Variants in DYNC1I1 observed in about 807,000 individuals in gnomAD.
The protein encoded by DYNC1I1 is cytoplasmic dynein 1 intermediate chain 1.
Under a neutral mutation model 86.6 loss-of-function variants are expected in DYNC1I1, and 43 were observed. The observed-to-expected ratio is 0.50, with a 90% CI of 0.39 to 0.64. DYNC1I1 has a LOEUF of 0.64. Ranked by LOEUF, DYNC1I1 falls within the 30% of genes least tolerant of loss-of-function variation. The pLI is 0.00. For synonymous variants in DYNC1I1, 262 were observed against 283.7 expected, an observed-to-expected ratio of 0.92 and a Z score of 0.77; for missense variants, 604 against 788.8, an observed-to-expected ratio of 0.77 and a Z score of 2.81.
intron 15 of DYNC1I1, among the ~76,000 whole-genome samples, chr7:96,078,495 T>C (rs1270909878): frequency 1.3e-5 from 2 of 152,172 alleles, no homozygotes; most frequent in Admixed American, 6.5e-5. Context: ...CATTATTTTC[T>C]ATCATTTGTA....
chr7:95,979,162 GTTTAA>G (rs1389216003), intron 7 of DYNC1I1, among the ~76,000 whole-genome samples: 2 of 152,148 alleles, frequency 1.3e-5, no homozygotes, highest in African/African-American at 4.8e-5. Context: ...GAGTGTAGGT[GTTTAA>G]TTTAGTTTTG....
rs150892917 is a variant in DYNC1I1, at chr7:95,983,299, A to T, written c.581-1516A>T. 4.6e-3 allele frequency among the ~76,000 whole-genome samples: 699 copies of T among 152,286 alleles called. 5 individuals are homozygous for T. The highest frequency in any genetic ancestry group is 0.016 in the African/African-American group (660 of 41,558). On this transcript the variant is annotated intron_variant, in intron 7 of 16. Coordinates refer to ENST00000447467, the MANE Select transcript of DYNC1I1 (RefSeq NM_001135556.2). ...GCTCTGGAGACCTAGACAGCAAAGA[A>T]ATATTTCTAATTTTATTTAGGGCTG...
intron 1 of DYNC1I1, among the ~76,000 whole-genome samples, chr7:95,785,529 C>T (rs1250084568): frequency 6.6e-6 from 1 of 151,958 alleles, no homozygotes; most frequent in African/African-American, 2.4e-5. Context: ...TTCATTCATT[C>T]ACTCAGTAAT....
Position 95,810,449 on chromosome 7 carries a change from C to G in DYNC1I1, c.166C>G (p.Arg56Gly). The change falls in exon 3 of 17, where the codon CGA (arginine) becomes GGA (glycine). Residue 56 changes from arginine to glycine, a missense_variant. Coordinates refer to ENST00000447467, the MANE Select transcript of DYNC1I1 (RefSeq NM_001135556.2). ...GGACGACTCTGATCTGGATCGCAAA[C>G]GACGAGAGACAGAGGCTTTGCTGCA... ...VQDDSDLDRK[R>G]RETEALLQSI... is the part of the protein sequence containing the mutation. 6.2e-7 allele frequency: 1 copy of G among 1,613,052 alleles called. No individual in the cohort carries two copies. Among genetic ancestry groups the G allele is most frequent in the Non-Finnish European group, 8.5e-7 (1 of 1,179,398 alleles).
At chr7:96,072,167 C>T (rs1487429413) in intron 14 of DYNC1I1, among the ~76,000 whole-genome samples, 3 of 152,194 alleles carry the variant, frequency 2.0e-5, no homozygotes, top group African/African-American at 7.2e-5. Flanking sequence ...CTCCCTTGCC[C>T]TTCATGTCTG....
At chr7:95,952,410 A>C (rs369420746) in intron 6 of DYNC1I1, among the ~76,000 whole-genome samples, 48 of 152,326 alleles carry the variant, frequency 3.2e-4, no homozygotes, top group African/African-American at 1.1e-3. Flanking sequence ...AGAAATCTTG[A>C]AAATGCCACT....
intron 6 of DYNC1I1, among the ~76,000 whole-genome samples, chr7:95,947,282 AC>A (rs1290477079): frequency 6.6e-6 from 1 of 152,058 alleles, no homozygotes; most frequent in Non-Finnish European, 1.5e-5. Context: ...GTAAATATGA[AC>A]TCATGTTGGT....
chr7:95,784,420 G>T (rs956045916), intron 1 of DYNC1I1, among the ~76,000 whole-genome samples: 3 of 152,164 alleles, frequency 2.0e-5, no homozygotes, highest in Admixed American at 6.5e-5. Context: ...TAGAGTCTGG[G>T]TACGATGGAG....
chr7:96,024,125 A>T (rs894036665), intron 10 of DYNC1I1, among the ~76,000 whole-genome samples: 6 of 152,204 alleles, frequency 3.9e-5, no homozygotes, highest in African/African-American at 1.2e-4. Flanking sequence ...GGCCACATCA[A>T]TGAAATCAAT....
At chr7:95,815,209 T>C (rs1164906850) in intron 4 of DYNC1I1, among the ~76,000 whole-genome samples, 1 of 152,212 alleles carries the variant, frequency 6.6e-6, no homozygotes, top group Non-Finnish European at 1.5e-5. Context: ...CAGAGAATAT[T>C]ACTCTTTATT....
At chr7:96,043,854 T>C (rs994505853) in intron 14 of DYNC1I1, among the ~76,000 whole-genome samples, 203 of 151,786 alleles carry the variant, frequency 1.3e-3, no homozygotes, top group Admixed American at 3.0e-3. Context: ...GGATTACAGG[T>C]GCCCGCCACT....
At chr7:95,790,194 G>A (rs933762248) in intron 1 of DYNC1I1, among the ~76,000 whole-genome samples, 6 of 152,174 alleles carry the variant, frequency 3.9e-5, no homozygotes, top group African/African-American at 1.4e-4. Flanking sequence ...GTTTGCCTGG[G>A]ACTTTCCTGG....
Position 96,097,509 on chromosome 7 carries a change from G to A in DYNC1I1, c.1803G>A (p.Trp601Ter). Residue 601 changes from tryptophan to a stop codon, truncating the protein, a stop_gained, in exon 17 of 17, where the codon TGG becomes TGA. Coordinates refer to ENST00000447467, the MANE Select transcript of DYNC1I1 (RefSeq NM_001135556.2). LOFTEE classifies it high-confidence loss of function. ...TTGCAGTTCCCCACAATGATGAATG[G>A]ACCCGATTTGCCAGGACCCTTGTGG... ...GELAVPHNDE[W>*]TRFARTLVEI... 1 of 1,613,742 alleles carries A rather than the reference G, an allele frequency of 6.2e-7. No individual in the cohort carries two copies. The highest frequency in any genetic ancestry group is 8.5e-7 in the Non-Finnish European group (1 of 1,179,760).
chr7:96,102,077 C>G (rs1584322440), downstream of DYNC1I1, among the ~76,000 whole-genome samples: 1 of 151,962 alleles, frequency 6.6e-6, no homozygotes, highest in South Asian at 2.1e-4. Flanking sequence ...ATCCCTAGAA[C>G]AGATTAATAA....
intron 6 of DYNC1I1, among the ~76,000 whole-genome samples, chr7:95,872,888 G>T (rs1790210356): frequency 2.0e-5 from 3 of 152,302 alleles, no homozygotes; most frequent in Middle Eastern, 3.4e-3. Flanking sequence ...CAACCATGAG[G>T]TCCTGGGCTT....
At chr7:95,883,819 G>T (rs986838683) in intron 6 of DYNC1I1, among the ~76,000 whole-genome samples, 6 of 152,036 alleles carry the variant, frequency 3.9e-5, no homozygotes, top group Non-Finnish European at 5.9e-5. Flanking sequence ...AGTTCCTTTG[G>T]TCAACTAGTT....
At chr7:95,905,353 A>G (rs535584181) in intron 6 of DYNC1I1, among the ~76,000 whole-genome samples, 7 of 152,324 alleles carry the variant, frequency 4.6e-5, no homozygotes, top group African/African-American at 1.7e-4. Context: ...TCGGAATGGA[A>G]TAGGTCAGTA....
chr7:96,043,564 A>G (rs928610127), intron 14 of DYNC1I1, among the ~76,000 whole-genome samples: 5 of 152,076 alleles, frequency 3.3e-5, no homozygotes, highest in Admixed American at 2.0e-4. Flanking sequence ...GAACAAAACA[A>G]AACTTGGGAC....
At chr7:95,777,909 C>T (rs1206740257) in intron 1 of DYNC1I1, among the ~76,000 whole-genome samples, 1 of 152,134 alleles carries the variant, frequency 6.6e-6, no homozygotes, top group Non-Finnish European at 1.5e-5. Context: ...CACCTCCACA[C>T]ATTTAAGGTT....
Sources: allele counts gnomAD v4.1 joint callset (sites outside exome capture counted in the v4.1 genomes callset), GRCh38; gene constraint gnomAD v4.1.1; transcripts MANE v1.5; gene names NCBI Gene and HGNC (gene_info 2026-07-23, HGNC 2026-07-21).